Variants in STT3B observed in about 807,000 individuals in gnomAD.
STT3B encodes the protein dolichyl-diphosphooligosaccharide--protein glycosyltransferase subunit STT3B.
A neutral mutation model predicts 96.8 loss-of-function variants in STT3B; 29 were observed. The observed-to-expected ratio is 0.30, with a 90% CI of 0.22 to 0.41. The LOEUF (loss-of-function observed/expected upper bound fraction) is 0.41. Among genes scored for constraint, STT3B ranks in the 10% least tolerant of loss-of-function variants. The pLI is 1.00. For missense variants in STT3B, 640 were observed against 1,022.3 expected, an observed-to-expected ratio of 0.63 and a Z score of 5.10; for synonymous variants, 367 against 360.0, an observed-to-expected ratio of 1.02 and a Z score of -0.22.
At chr3:31,609,753 C>T (rs779338879) in intron 5 of STT3B, among the ~76,000 whole-genome samples, 2 of 152,060 alleles carry the variant, frequency 1.3e-5, no homozygotes, top group Non-Finnish European at 2.9e-5. Context: ...TGCCACCACA[C>T]CTGGCTAATT....
intron 15 of STT3B, among the ~76,000 whole-genome samples, chr3:31,634,566 C>A (rs928172796): frequency 7.9e-5 from 12 of 152,144 alleles, no homozygotes; most frequent in Non-Finnish European, 1.5e-5. Context: ...GCTTTTTATA[C>A]TTCCCTTTCT....
chr3:31,570,827 A>G (rs1575419245), intron 1 of STT3B, among the ~76,000 whole-genome samples: 1 of 152,140 alleles, frequency 6.6e-6, no homozygotes, highest in Admixed American at 6.6e-5. Context: ...GGAAAGGAGT[A>G]GGGGGATTCT....
intron 2 of STT3B, among the ~76,000 whole-genome samples, chr3:31,578,868 T>C (rs1489373057): frequency 6.6e-6 from 1 of 152,062 alleles, no homozygotes; most frequent in African/African-American, 2.4e-5. Flanking sequence ...ATAAGTATTA[T>C]GGAGAAAAAG....
intron 15 of STT3B, among the ~76,000 whole-genome samples, chr3:31,633,406 T>C (rs1699701820): frequency 1.3e-5 from 2 of 152,216 alleles, no homozygotes; most frequent in African/African-American, 2.4e-5. Context: ...GACTTACTTG[T>C]AAAGTAAGAT....
In STT3B at chr3:31,629,082, G is replaced by A. The variant is rs1201089459; in HGVS notation, c.2074-216G>A. On this transcript the variant is annotated intron_variant, in intron 13 of 15. Coordinates refer to ENST00000295770, the MANE Select transcript of STT3B (RefSeq NM_178862.3). The stretch of plus-strand genomic sequence containing the variant: ...AGTCACGCCACTGCACTCCAGCCTC[G>A]AGGACAGAACGAGACATTGTCTCAA... Among the ~76,000 whole-genome samples the A allele has an allele frequency of 5.3e-5, 8 of 152,124 alleles. No individual in the cohort carries two copies. In the South Asian group the frequency reaches 1.2e-3, roughly 24 times the overall value.
chr3:31,621,555 T>C (rs1699430424), intron 9 of STT3B, among the ~76,000 whole-genome samples: 3 of 152,242 alleles, frequency 2.0e-5, no homozygotes, highest in Admixed American at 2.0e-4. Context: ...TTTCCTGTGG[T>C]TAGCACATTA....
chr3:31,579,950 A>T lies in STT3B; in HGVS notation c.565A>T (p.Thr189Ser). ...TACATCTATATCTACTTTCCTGCTTACAAGAGAACTTTGGAACCAAGGAGC... is the reference window on the plus strand; with the variant it reads ...TACATCTATATCTACTTTCCTGCTTTCAAGAGAACTTTGGAACCAAGGAGC... ...GLTSISTFLL[T>S]RELWNQGAGL... The change falls in exon 3 of 16, where the codon ACA becomes TCA. Residue 189 changes from threonine to serine, a missense_variant. Around this residue, in one of 8 missense-constraint regions of STT3B, gnomAD observed 267 missense variants for 388.3 expected, o/e 0.69. Coordinates refer to ENST00000295770, the MANE Select transcript of STT3B (RefSeq NM_178862.3). 6.2e-7 allele frequency: 1 copy of T among 1,613,938 alleles called. No individual in the cohort carries two copies. Among genetic ancestry groups the T allele is most frequent in the Non-Finnish European group, 8.5e-7 (1 of 1,179,850 alleles).
intron 3 of STT3B, among the ~76,000 whole-genome samples, chr3:31,581,067 G>A (rs1698373610): frequency 1.3e-5 from 2 of 152,054 alleles, no homozygotes; most frequent in Admixed American, 1.3e-4. Flanking sequence ...ATGCTTAGTG[G>A]AAAAATAAGT....
intron 2 of STT3B, among the ~76,000 whole-genome samples, chr3:31,579,362 T>C (rs1698330329): frequency 6.6e-6 from 1 of 151,566 alleles, no homozygotes; most frequent in Non-Finnish European, 1.5e-5. Flanking sequence ...ATTTTGTGTG[T>C]AATTTTTCTT....
chr3:31,558,545 C>T (rs1697778722), intron 1 of STT3B, among the ~76,000 whole-genome samples: 1 of 152,156 alleles, frequency 6.6e-6, no homozygotes, highest in South Asian at 2.1e-4. Flanking sequence ...AAACCCATTT[C>T]ATCATGGTGT....
At chr3:31,630,840 A>G (rs1699640874) in intron 14 of STT3B, among the ~76,000 whole-genome samples, 1 of 151,576 alleles carries the variant, frequency 6.6e-6, no homozygotes, top group Admixed American at 6.6e-5. Flanking sequence ...TCTGTCGCCC[A>G]GGCTGGAGTA....
At chr3:31,605,126 T>A (rs1699019768) in intron 5 of STT3B, among the ~76,000 whole-genome samples, 1 of 152,130 alleles carries the variant, frequency 6.6e-6, no homozygotes, top group African/African-American at 2.4e-5. Flanking sequence ...ACAAAAGAGT[T>A]CAAGAGGCTA....
Position 31,630,794 on chromosome 3 carries a change from TG to T in STT3B, c.2187+1384del, listed in dbSNP as rs950691073. On this transcript the variant is annotated intron_variant, in intron 14 of 15. Coordinates refer to ENST00000295770, the MANE Select transcript of STT3B (RefSeq NM_178862.3). ...CAAGTTTTACCGTGTTTTTTTGTGGTGTTTTTTTTGTTTTTTTTTTGAGAGG... is the reference window on the plus strand; with the variant it reads ...CAAGTTTTACCGTGTTTTTTTGTGGTTTTTTTTTGTTTTTTTTTTGAGAGG... Among the ~76,000 whole-genome samples, 4 of 75,172 alleles carry T rather than the reference TG, an allele frequency of 5.3e-5. 1 individual carries two copies. Among genetic ancestry groups the T allele is most frequent in the East Asian group, 4.0e-4 (1 of 2,474 alleles). The allele number at this position is 75,172 out of a possible 152,430, so 49.3% of individuals were successfully genotyped here.
At chr3:31,622,526 C>T (rs896799772) in intron 10 of STT3B, among the ~76,000 whole-genome samples, 1 of 152,140 alleles carries the variant, frequency 6.6e-6, no homozygotes, top group Non-Finnish European at 1.5e-5. Flanking sequence ...AGGAATTCCT[C>T]TTTTTGGTAA....
intron 1 of STT3B, among the ~76,000 whole-genome samples, chr3:31,563,994 A>C (rs561178689): frequency 6.6e-6 from 1 of 152,188 alleles, no homozygotes; most frequent in Non-Finnish European, 1.5e-5. Context: ...TCTGTGAGTG[A>C]CTGTTGATGA....
At chr3:31,533,636 G>A in intron 1 of STT3B, 1 of 187,382 alleles carries the variant, frequency 5.3e-6, no homozygotes. Context: ...GCAGTCCCTC[G>A]CAGCCCGCTT....
intron 3 of STT3B, among the ~76,000 whole-genome samples, chr3:31,593,790 A>G (rs1033355319): frequency 6.6e-6 from 1 of 151,906 alleles, no homozygotes. Context: ...ATATCATTAT[A>G]TTTTTCTTTA....
Position 31,568,158 on chromosome 3 carries a change from G to T in STT3B, c.315-8238G>T, listed in dbSNP as rs142039840. Among the ~76,000 whole-genome samples the T allele has an allele frequency of 3.0e-3, 459 of 152,130 alleles. 14 individuals are homozygous for T. Among genetic ancestry groups the T allele is most frequent in the Admixed American group, 0.026 (401 of 15,280 alleles). On this transcript the variant is annotated intron_variant, in intron 1 of 15. Coordinates refer to ENST00000295770, the MANE Select transcript of STT3B (RefSeq NM_178862.3). ...TTTACTTAACATAATGACCTCTCCA[G>T]TTCCATCCATGTTGTTGTAAATGAC...
chr3:31,533,508 A>G (rs1269885467), intron 1 of STT3B, 196 bp downstream of exon 1: 3 of 599,246 alleles, frequency 5.0e-6, no homozygotes, highest in Non-Finnish European at 7.2e-6. Context: ...GTGCAGCCTG[A>G]GGCGGGGCGT....
Sources: allele counts gnomAD v4.1 joint callset (sites outside exome capture counted in the v4.1 genomes callset), GRCh38; gene constraint gnomAD v4.1.1; regional missense constraint gnomAD v4.1.1; transcripts MANE v1.5; gene names NCBI Gene and HGNC (gene_info 2026-07-23, HGNC 2026-07-21).